DLGAP1: variants seen among roughly 807,000 people sequenced by gnomAD.
DLGAP1 encodes the protein disks large-associated protein 1.
DLGAP1 carries 11 observed loss-of-function variants against 90.8 expected under a neutral mutation model. The ratio of observed to expected loss-of-function variants is 0.12; its 90% CI spans 0.08 to 0.20. The LOEUF (loss-of-function observed/expected upper bound fraction) is 0.20, where lower values mean the gene tolerates loss of function less well. Among genes scored for constraint, DLGAP1 ranks in the 10% least tolerant of loss-of-function variants. DLGAP1 has a pLI of 1.00. For missense variants in DLGAP1, 1,050 were observed against 1,333.8 expected, an observed-to-expected ratio of 0.79 and a Z score of 3.31; for synonymous variants, 558 against 540.7, an observed-to-expected ratio of 1.03 and a Z score of -0.44.
intron 3 of DLGAP1, among the ~76,000 whole-genome samples, chr18:4,003,127 A>G (rs1432440662): frequency 1.3e-5 from 2 of 152,104 alleles, no homozygotes; most frequent in African/African-American, 4.8e-5. Flanking sequence ...GAGAACCATG[A>G]CCCCTCGTGG....
At position 3,879,223 on chromosome 18, in the gene DLGAP1, C is replaced by T. The variant is rs769111396; in HGVS notation, c.846G>A (p.Thr282=). Residue 282 remains threonine, a synonymous_variant, in exon 4 of 13, where the codon ACG becomes ACA. Transcript: ENST00000315677. This position sits in a 1 kb window ranked among gnomAD's most constrained non-coding sequence, Gnocchi z 6.6. ...PLLKKSAWSS[T]LTVSRAREVY... Reference sequence around the variant, plus strand: ...CCTCCCGGGCCCGGCTCACGGTGAGCGTGGAGGACCAGGCGCTCTTCTTCA... The same window carrying T: ...CCTCCCGGGCCCGGCTCACGGTGAGTGTGGAGGACCAGGCGCTCTTCTTCA... 1.9e-6 allele frequency: 3 copies of T among 1,585,448 alleles called. No individual in the cohort carries two copies. The highest frequency in any genetic ancestry group is 1.8e-5 in the Admixed American group (1 of 56,380).
At chr18:4,430,502 C>CGTG (rs1052663363) in intron 1 of DLGAP1, 1 of 142,550 alleles carries the variant, frequency 7.0e-6, no homozygotes, top group Non-Finnish European at 1.5e-5. Flanking sequence ...TCTTGTGTGT[C>CGTG]TGTGTGTGTG....
At chr18:4,089,276 C>T (rs1249057649) in intron 2 of DLGAP1, among the ~76,000 whole-genome samples, 1 of 152,138 alleles carries the variant, frequency 6.6e-6, no homozygotes, top group African/African-American at 2.4e-5. Flanking sequence ...AGGACAACTA[C>T]AAATCACTCC....
chr18:4,101,525 A>G (rs894695772), intron 2 of DLGAP1, among the ~76,000 whole-genome samples: 3 of 152,188 alleles, frequency 2.0e-5, no homozygotes, highest in Non-Finnish European at 4.4e-5. Flanking sequence ...AAGTAGGCAC[A>G]TGCTATTAGA....
chr18:4,284,144 C>T (rs1357487758), intron 1 of DLGAP1, among the ~76,000 whole-genome samples: 3 of 150,396 alleles, frequency 2.0e-5, no homozygotes, highest in African/African-American at 7.3e-5. Context: ...CACTATGATC[C>T]ACCTGTGAGT....
rs12327037 is a variant in DLGAP1, at chr18:4,240,399, G to T, written c.-266-89112C>A. On this transcript the variant is annotated intron_variant, in intron 1 of 12. Transcript: ENST00000315677. ...TAGAGGAAAATACAATCAAAATAAA[G>T]ATATTAGAAAGAAAATGAGAAAAAA... Among the ~76,000 whole-genome samples, 1,382 of 151,932 alleles carry T rather than the reference G, an allele frequency of 9.1e-3. 17 individuals are homozygous for T. Among genetic ancestry groups the T allele is most frequent in the African/African-American group, 0.031 (1,280 of 41,432 alleles).
intron 1 of DLGAP1, among the ~76,000 whole-genome samples, chr18:4,388,594 A>G (rs1476332649): frequency 2.0e-5 from 3 of 152,168 alleles, no homozygotes; most frequent in Non-Finnish European, 2.9e-5. Flanking sequence ...ATAAGGAGTC[A>G]TGTTGTACTG....
chr18:3,611,322 A>G (rs1245513765), intron 7 of DLGAP1, among the ~76,000 whole-genome samples: 1 of 152,012 alleles, frequency 6.6e-6, no homozygotes, highest in Non-Finnish European at 1.5e-5. Flanking sequence ...ATGCCTGGAG[A>G]AAATAAGATT....
chr18:4,150,969 G>T (rs67060015), intron 2 of DLGAP1, among the ~76,000 whole-genome samples: 2 of 152,030 alleles, frequency 1.3e-5, no homozygotes, highest in African/African-American at 2.4e-5. Context: ...AATACATCTG[G>T]CCTAGATTCT....
chr18:3,772,456 C>CAGAA (rs2064721629), intron 5 of DLGAP1, among the ~76,000 whole-genome samples: 1 of 66,928 alleles, frequency 1.5e-5, no homozygotes, highest in African/African-American at 4.4e-5. Context: ...CCCCCCACCC[C>CAGAA]CCTCTTTCTT....
intron 7 of DLGAP1, among the ~76,000 whole-genome samples, chr18:3,586,948 G>C (rs914513258): frequency 6.6e-6 from 1 of 152,150 alleles, no homozygotes; most frequent in African/African-American, 2.4e-5. Context: ...TGAAACACCA[G>C]CCAATATGTT....
At chr18:3,509,074 C>G (rs971023853) in intron 10 of DLGAP1, among the ~76,000 whole-genome samples, 1 of 151,396 alleles carries the variant, frequency 6.6e-6, no homozygotes, top group Non-Finnish European at 1.5e-5. Flanking sequence ...CCGTCATGGT[C>G]GGCTGGCTTG....
intron 1 of DLGAP1, among the ~76,000 whole-genome samples, chr18:4,407,601 G>A (rs528511061): frequency 6.6e-6 from 1 of 152,036 alleles, no homozygotes; most frequent in Non-Finnish European, 1.5e-5. Context: ...CTAACAGGCC[G>A]AGTGCGCTGG....
intron 2 of DLGAP1, among the ~76,000 whole-genome samples, chr18:4,007,612 C>T (rs1271007508): frequency 1.3e-5 from 2 of 152,150 alleles, no homozygotes; most frequent in Non-Finnish European, 2.9e-5. Flanking sequence ...GCCGAGATTG[C>T]ATCACTGCAC....
In DLGAP1 at chr18:4,198,564, C is replaced by T. The variant is rs149329191; in HGVS notation, c.-266-47277G>A. Among the ~76,000 whole-genome samples, 282 of 152,156 alleles carry T rather than the reference C, an allele frequency of 1.9e-3. 3 individuals carry two copies. The highest frequency in any genetic ancestry group is 6.3e-3 in the African/African-American group (262 of 41,520). On this transcript the variant is annotated intron_variant, in intron 1 of 12. Transcript: ENST00000315677. Reference sequence around the variant, plus strand: ...TTTAAAAATAGTTTAGGATGGTCATCGATAATATTATGGAAACTTTTTAAT... The same window carrying T: ...TTTAAAAATAGTTTAGGATGGTCATTGATAATATTATGGAAACTTTTTAAT...
At chr18:3,830,316 A>G (rs528974666) in intron 4 of DLGAP1, among the ~76,000 whole-genome samples, 2 of 152,350 alleles carry the variant, frequency 1.3e-5, no homozygotes, top group Non-Finnish European at 2.9e-5. Flanking sequence ...CTGTAATCCC[A>G]GCACTTTGGG....
intron 8 of DLGAP1, among the ~76,000 whole-genome samples, chr18:3,569,032 T>C (rs1368146571): frequency 6.6e-6 from 1 of 151,430 alleles, no homozygotes; most frequent in Non-Finnish European, 1.5e-5. Flanking sequence ...AGACAGAGTC[T>C]CACTCTGTCC....
chr18:3,628,627 G>A (rs960227285), intron 7 of DLGAP1, among the ~76,000 whole-genome samples: 3 of 152,138 alleles, frequency 2.0e-5, no homozygotes, highest in African/African-American at 7.2e-5. Context: ...GAAGTAACTA[G>A]TCTGCTGATA....
In DLGAP1 at chr18:4,225,479, G is replaced by A. The variant is rs1289647378; in HGVS notation, c.-266-74192C>T. On this transcript the variant is annotated intron_variant, in intron 1 of 12. Coordinates refer to ENST00000315677, the MANE Select transcript of DLGAP1 (RefSeq NM_004746.4). ...AAATATGGCACCAGGGACCAATCCTGGAAAGACAGAGATATAGGACCTTTC... is the reference window on the plus strand; with the variant it reads ...AAATATGGCACCAGGGACCAATCCTAGAAAGACAGAGATATAGGACCTTTC... 7.2e-5 allele frequency among the ~76,000 whole-genome samples: 11 copies of A among 151,986 alleles called. No individual in the cohort carries two copies. In the East Asian group the frequency reaches 1.2e-3, roughly 16 times the overall value.
Sources: allele counts gnomAD v4.1 joint callset (sites outside exome capture counted in the v4.1 genomes callset), GRCh38; gene constraint gnomAD v4.1.1; non-coding constraint Gnocchi (gnomAD v3.1); transcripts MANE v1.5; gene names NCBI Gene and HGNC (gene_info 2026-07-23, HGNC 2026-07-21).